Variants in FIG4 observed in about 807,000 individuals in gnomAD.
FIG4 encodes FIG4 phosphoinositide 5-phosphatase.
A neutral mutation model predicts 118.6 loss-of-function variants in FIG4; 112 were observed. The ratio of observed to expected loss-of-function variants is 0.94; its 90% confidence interval spans 0.81 to 1.11. The LOEUF is 1.11. Among genes scored for constraint, FIG4 ranks in the 50% least tolerant of loss-of-function variants. The pLI is 0.00. For synonymous variants in FIG4, 369 were observed against 381.2 expected, an observed-to-expected ratio of 0.97 and a Z score of 0.37; for missense variants, 969 against 1,111.7, an observed-to-expected ratio of 0.87 and a Z score of 1.83.
intron 22 of FIG4, among the ~76,000 whole-genome samples, chr6:109,798,748 T>TA: frequency 6.6e-6 from 1 of 152,232 alleles, no homozygotes; most frequent in South Asian, 2.1e-4. Flanking sequence ...GACCATATTT[T>TA]ATCACAGCCT....
chr6:109,807,732 T>TTTTAGGTTTA (rs1778606116), intron 22 of FIG4, among the ~76,000 whole-genome samples: 1 of 152,254 alleles, frequency 6.6e-6, no homozygotes, highest in African/African-American at 2.4e-5. Flanking sequence ...AGGGTTTTTA[T>TTTTAGGTTTA]GGTTTTAGGT....
chr6:109,717,767 G>A lies in FIG4; in HGVS notation c.289+1199G>A, dbSNP rs542388256. On this transcript the variant is annotated intron_variant, in intron 3 of 22. Coordinates refer to ENST00000230124, the MANE Select transcript of FIG4 (RefSeq NM_014845.6). ...TACCCAGAGGTGCTGGGAATGCTGG[G>A]GAGTAGTCAGGCAAGGCCAGATTGC... 9.2e-5 allele frequency among the ~76,000 whole-genome samples: 14 copies of A among 152,330 alleles called. 1 individual carries two copies. The South Asian group carries it at 2.9e-3, about 32-fold the overall frequency.
Position 109,743,192 on chromosome 6 carries a change from C to A in FIG4, c.959C>A (p.Ser320Ter), listed in dbSNP as rs556768971. 2 of 1,612,860 alleles carry A rather than the reference C, an allele frequency of 1.2e-6. No individual in the cohort carries two copies. The highest frequency in any genetic ancestry group is 2.7e-5 in the African/African-American group (2 of 74,962). ...VMSFTAGSYSSYVQVRGSVPL... is the reference protein window; with the variant it reads ...VMSFTAGSYS ...TCTTTCACTGCAGGAAGTTATTCTT[C>A]ATATGTACAAGTTAGAGGATCTGTG... is the stretch of plus-strand genomic sequence containing the variant. The change falls in exon 9 of 23, where the codon TCA (serine) becomes TAA (stop). Residue 320 changes from serine to a stop codon, truncating the protein, a stop_gained. Transcript: ENST00000230124. LOFTEE classifies it high-confidence loss of function.
intron 10 of FIG4, among the ~76,000 whole-genome samples, chr6:109,758,506 T>G (rs1436275296): frequency 6.6e-6 from 1 of 152,172 alleles, no homozygotes; most frequent in Non-Finnish European, 1.5e-5. Context: ...AAAAAAGCCC[T>G]AGAAGAAAAC....
intron 19 of FIG4, 93 bp from the exon 20 acceptor site, chr6:109,791,283 T>C: frequency 9.3e-7 from 1 of 1,072,122 alleles, no homozygotes; most frequent in Non-Finnish European, 1.4e-6. Flanking sequence ...TTCTTATGCT[T>C]CACTAGGCCT....
chr6:109,691,855 G>C (rs1002552378), intron 1 of FIG4, among the ~76,000 whole-genome samples: 10 of 152,160 alleles, frequency 6.6e-5, no homozygotes, highest in African/African-American at 2.4e-4. Context: ...GAGTTCACAA[G>C]TTACAGTACA....
chr6:109,717,185 T>C (rs563764966), intron 3 of FIG4, among the ~76,000 whole-genome samples: 1 of 152,286 alleles, frequency 6.6e-6, no homozygotes, highest in South Asian at 2.1e-4. Context: ...GTGCAGAGCT[T>C]CAGAGACGAG....
At chr6:109,723,157 T>C (rs1421029340) in intron 3 of FIG4, among the ~76,000 whole-genome samples, 1 of 152,228 alleles carries the variant, frequency 6.6e-6, no homozygotes, top group Non-Finnish European at 1.5e-5. Context: ...TGTTTTCCTT[T>C]GTTTTTATTA....
intron 3 of FIG4, among the ~76,000 whole-genome samples, chr6:109,718,730 T>A (rs1350956608): frequency 1.3e-5 from 2 of 152,200 alleles, no homozygotes; most frequent in Non-Finnish European, 2.9e-5. Context: ...TGTGTATGTC[T>A]GTATGTGTCA....
In FIG4 at chr6:109,738,459, C is replaced by T; in HGVS notation, c.775+6C>T. 6.2e-7 allele frequency: 1 copy of T among 1,611,552 alleles called. No individual in the cohort carries two copies. Among genetic ancestry groups the T allele is most frequent in the Non-Finnish European group, 8.5e-7 (1 of 1,178,100 alleles). On this transcript the variant is annotated splice_donor_region_variant and intron_variant, in intron 7 of 22. Transcript: ENST00000230124. The stretch of plus-strand genomic sequence containing the variant: ...TGGGTTCTGTGGGCAGTCAAGTATC[C>T]TTTCTGAAGAAAAAGTAAGATACAT...
At chr6:109,813,332 C>G (rs893360579) in intron 22 of FIG4, among the ~76,000 whole-genome samples, 1 of 152,082 alleles carries the variant, frequency 6.6e-6, no homozygotes, top group Non-Finnish European at 1.5e-5. Flanking sequence ...TCAGGAAAAT[C>G]GGGAAATTAA....
chr6:109,764,033 A>T (rs765843995), intron 13 of FIG4, 51 bp downstream of exon 13: 6 of 1,194,030 alleles, frequency 5.0e-6, no homozygotes, highest in Non-Finnish European at 7.5e-6. Context: ...TCCATTGTGT[A>T]CTGTATGTTT....
At chr6:109,812,844 GTT>G (rs1022797170) in intron 22 of FIG4, among the ~76,000 whole-genome samples, 11 of 152,270 alleles carry the variant, frequency 7.2e-5, no homozygotes, top group African/African-American at 2.6e-4. Flanking sequence ...TCAGACAGGA[GTT>G]ACACAGCAGA....
chr6:109,825,030 C>T (rs1779117203), intron 22 of FIG4, 58 bp from the exon 23 acceptor site: 1 of 1,522,584 alleles, frequency 6.6e-7, no homozygotes, highest in Non-Finnish European at 9.1e-7. Flanking sequence ...AGACTGCTCC[C>T]TGTGGTCCTT....
intron 1 of FIG4, among the ~76,000 whole-genome samples, chr6:109,693,057 G>C (rs772762643): frequency 1.3e-5 from 2 of 152,168 alleles, no homozygotes; most frequent in Non-Finnish European, 2.9e-5. Flanking sequence ...TTAGTGTTCA[G>C]AAAGCACAAT....
chr6:109,771,287 G>A (rs1391686830), intron 15 of FIG4, among the ~76,000 whole-genome samples: 1 of 152,048 alleles, frequency 6.6e-6, no homozygotes, highest in African/African-American at 2.4e-5. Flanking sequence ...TTCTCCAAAG[G>A]ACAACGGACT....
chr6:109,757,233 T>C (rs1562665991), intron 10 of FIG4, among the ~76,000 whole-genome samples: 1 of 152,164 alleles, frequency 6.6e-6, no homozygotes, highest in Non-Finnish European at 1.5e-5. Flanking sequence ...ATTTCTTGTT[T>C]TCTGCTAGCT....
chr6:109,737,784 T>C (rs1776203686), intron 6 of FIG4, among the ~76,000 whole-genome samples: 1 of 152,180 alleles, frequency 6.6e-6, no homozygotes, highest in South Asian at 2.1e-4. Flanking sequence ...TTGGAAGTAT[T>C]TGTAATACAC....
intron 16 of FIG4, among the ~76,000 whole-genome samples, chr6:109,780,671 C>T (rs190867048): frequency 5.3e-5 from 8 of 152,162 alleles, no homozygotes; most frequent in African/African-American, 1.9e-4. Context: ...AAATTTGTGG[C>T]ATGCTGTATC....
Sources: allele counts gnomAD v4.1 joint callset (sites outside exome capture counted in the v4.1 genomes callset), GRCh38; gene constraint gnomAD v4.1.1; transcripts MANE v1.5; gene names NCBI Gene and HGNC (gene_info 2026-07-23, HGNC 2026-07-21).